The following WDR43 variants were observed in gnomAD, a reference collection of about 807,000 sequenced individuals.
WDR43 encodes the protein WD repeat domain 43, also known as WD repeat-containing protein 43.
A neutral mutation model predicts 91.4 loss-of-function variants in WDR43; 13 were observed. The observed-to-expected ratio is 0.14, with a 90% CI of 0.09 to 0.23. WDR43 has a LOEUF of 0.23. Among genes scored for constraint, WDR43 ranks in the 10% least tolerant of loss-of-function variants. WDR43 has a pLI of 1.00. For synonymous variants in WDR43, 331 were observed against 287.9 expected (o/e 1.15, Z -1.51); for missense variants, 780 against 809.4 (o/e 0.96, Z 0.44).
rs1234524287 is a variant in WDR43 at position 28,926,513 on chromosome 2, T to G, written c.1132T>G (p.Ser378Ala). ...EPHMCLVRDI[S>A]NCWAPKVETA... ...TCATATGTGTTTAGTAAGAGATATT[T>G]CAAACTGCTGGGCCCCCAAAGTAGA... Residue 378 changes from serine (S) to alanine (A), a missense_variant, in exon 9 of 18, where the codon TCA (serine) becomes GCA (alanine). Ser to Ala is a moderately conservative substitution (Grantham distance 99, BLOSUM62 1). Transcript: ENST00000407426. 6.2e-6 allele frequency: 10 copies of G among 1,600,814 alleles called. No individual in the cohort carries two copies. The highest frequency in any genetic ancestry group is 7.7e-6 in the Non-Finnish European group (9 of 1,172,918).
intron 1 of WDR43, chr2:28,895,236 C>T (rs1266352144): frequency 7.2e-6 from 2 of 278,158 alleles, no homozygotes; most frequent in Non-Finnish European, 1.3e-5. Context: ...CCTGGGGCGG[C>T]TTCCTTCTGC....
chr2:28,942,657 T>G (rs1449831174), intron 16 of WDR43, among the ~76,000 whole-genome samples: 1 of 149,540 alleles, frequency 6.7e-6, no homozygotes, highest in Non-Finnish European at 1.5e-5. Context: ...GTCTGTTGCC[T>G]AGGTTGTAGT....
Position 28,941,447 on chromosome 2 carries a change from A to C in WDR43, c.1621-14A>C. 1 of 1,599,766 alleles carries C rather than the reference A, an allele frequency of 6.3e-7. No homozygotes were observed. The highest frequency in any genetic ancestry group is 1.1e-5 in the South Asian group (1 of 89,512). On this transcript the variant is annotated splice_polypyrimidine_tract_variant and intron_variant, in intron 14 of 17. Transcript: ENST00000407426. ...AATACGTTAATAGTGCCAAATGATC[A>C]TTTTTTTCTCTAGTTGCCTGACCTG...
In WDR43 at chr2:28,914,477, A is replaced by G. The variant is rs192705975; in HGVS notation, c.746+269A>G. On this transcript the variant is annotated intron_variant, in intron 5 of 17. Transcript: ENST00000407426. ...GGCAATTTAGAATATCTTTTAAAAA[A>G]TTTAGAAAGACCTTTGATTTTGAAA... 1.6e-3 allele frequency among the ~76,000 whole-genome samples: 237 copies of G among 152,340 alleles called. 1 individual carries two copies. Among genetic ancestry groups the G allele is most frequent in the Non-Finnish European group, 2.9e-3 (194 of 68,032 alleles).
intron 1 of WDR43, among the ~76,000 whole-genome samples, chr2:28,897,679 C>T (rs1022861395): frequency 6.6e-6 from 1 of 152,178 alleles, no homozygotes; most frequent in Non-Finnish European, 1.5e-5. Context: ...GTTTGCTACG[C>T]AAGGACAAAG....
chr2:28,912,727 A>T lies in WDR43; in HGVS notation c.606+17A>T. Reference sequence around the variant, plus strand: ...GTCTACAGGGTGAGCGAATCAAATTATTTGTAAGCATAAAAATTATAGAGT... The same window carrying T: ...GTCTACAGGGTGAGCGAATCAAATTTTTTGTAAGCATAAAAATTATAGAGT... On this transcript the variant is annotated intron_variant, in intron 4 of 17. Transcript: ENST00000407426. 1 of 1,609,400 alleles carries T rather than the reference A, an allele frequency of 6.2e-7. No individual in the cohort carries two copies. The highest frequency in any genetic ancestry group is 2.2e-5 in the East Asian group (1 of 44,844).
Position 28,894,865 on chromosome 2 carries a change from C to T in WDR43, c.167C>T (p.Ala56Val), listed in dbSNP as rs769345025. ...NRLHQEYVPS[A>V]HLSGTCTCLA... ...CTGCACCAGGAGTACGTGCCTTCCG[C>T]GCACCTCAGTGGTACCTGCACCTGT... Residue 56 changes from alanine (A) to valine (V), a missense_variant, in exon 1 of 18, where the codon GCG becomes GTG. Physicochemically the swap from Ala to Val is moderately conservative, Grantham distance 64 (BLOSUM62 0). Transcript: ENST00000407426. 1.2e-6 allele frequency: 2 copies of T among 1,609,878 alleles called. No homozygotes were observed. The highest frequency in any genetic ancestry group is 2.2e-5 in the South Asian group (2 of 90,350).
At position 28,946,643 on chromosome 2, in the gene WDR43, A is replaced by G. The variant is rs760347967; in HGVS notation, c.1898A>G (p.Asp633Gly). The change falls in exon 18 of 18, where the codon GAT becomes GGT. Residue 633 changes from aspartate to glycine, a missense_variant. Around this residue, in one of 4 missense-constraint regions of WDR43, gnomAD observed 426 missense variants for 467.8 expected, o/e 0.91. Coordinates refer to ENST00000407426, the MANE Select transcript of WDR43 (RefSeq NM_015131.3). The part of the protein sequence containing the change: ...EDEEESESEK[D>G]EDVEEEDEDA... ...GAGGAGGAGAGTGAAAGTGAAAAAG[A>G]TGAGGACGTTGAAGAGGAAGATGAG... 3.6e-5 allele frequency: 56 copies of G among 1,557,400 alleles called. 1 individual carries two copies. In the Middle Eastern group the frequency reaches 8.3e-4, roughly 23 times the overall value.
chr2:28,924,245 A>G (rs1188456815), intron 7 of WDR43, among the ~76,000 whole-genome samples: 1 of 152,144 alleles, frequency 6.6e-6, no homozygotes, highest in Non-Finnish European at 1.5e-5. Context: ...CTAAGAAAGG[A>G]ATTCATTTAG....
In WDR43 at chr2:28,926,532, A is replaced by G; in HGVS notation, c.1151A>G (p.Lys384Arg). 1.9e-6 allele frequency: 3 copies of G among 1,598,090 alleles called. No individual in the cohort carries two copies. Among genetic ancestry groups the G allele is most frequent in the African/African-American group, 1.3e-5 (1 of 74,770 alleles). Residue 384 changes from lysine (K) to arginine (R), a missense_variant, in exon 9 of 18, where the codon AAA becomes AGA. Around this residue, in one of 4 missense-constraint regions of WDR43, gnomAD observed 426 missense variants for 467.8 expected, o/e 0.91. Coordinates refer to ENST00000407426, the MANE Select transcript of WDR43 (RefSeq NM_015131.3). Reference protein sequence around the residue: ...VRDISNCWAPKVETAITKVRT... With the variant: ...VRDISNCWAPRVETAITKVRT... ...GATATTTCAAACTGCTGGGCCCCCA[A>G]AGTAGAAACAGCTATAACAAAGGTG...
intron 10 of WDR43, among the ~76,000 whole-genome samples, chr2:28,929,225 T>G (rs553237097): frequency 4.0e-4 from 61 of 152,322 alleles, no homozygotes; most frequent in Middle Eastern, 6.8e-3. Context: ...ATAGTTATAG[T>G]GGGGCAAGCT....
At chr2:28,909,267 TAGCTGGGATTATGGGC>T (rs1670744362) in intron 3 of WDR43, among the ~76,000 whole-genome samples, 1 of 152,050 alleles carries the variant, frequency 6.6e-6, no homozygotes, top group African/African-American at 2.4e-5. Context: ...GCTTCCCGAG[TAGCTGGGATTATGGGC>T]ACCTGCCACC....
intron 1 of WDR43, among the ~76,000 whole-genome samples, chr2:28,899,082 G>A (rs1670533596): frequency 6.6e-6 from 1 of 152,188 alleles, no homozygotes. Context: ...TGCCCTTCAT[G>A]GTGGAAAAGA....
chr2:28,947,647 G>C lies in WDR43; in HGVS notation c.*868G>C, dbSNP rs1467202441. The C allele has an allele frequency of 6.6e-6, 1 of 151,410 alleles. No homozygotes were observed. Among genetic ancestry groups the C allele is most frequent in the Admixed American group, 6.6e-5 (1 of 15,230 alleles). The allele number at this position is 151,410 out of a possible 1,614,324, so 9.4% of individuals were successfully genotyped here. A position where few individuals can be genotyped will look rare whatever the true frequency, so the allele number is the denominator to read the frequency against. ...GAACAATTGTTTATTTTTTCTCTTTGGTTTTAGATATTAATGATAACCTTG... is the reference window on the plus strand; with the variant it reads ...GAACAATTGTTTATTTTTTCTCTTTCGTTTTAGATATTAATGATAACCTTG... On this transcript the variant is annotated 3_prime_UTR_variant, in exon 18 of 18. Coordinates refer to ENST00000407426, the MANE Select transcript of WDR43 (RefSeq NM_015131.3).
At chr2:28,907,742 A>G (rs1265647519) in intron 3 of WDR43, among the ~76,000 whole-genome samples, 1 of 152,136 alleles carries the variant, frequency 6.6e-6, no homozygotes, top group East Asian at 1.9e-4. Context: ...CTCTACTACA[A>G]AGACAAAAAA....
intron 14 of WDR43, among the ~76,000 whole-genome samples, chr2:28,939,578 C>T (rs1163963777): frequency 6.6e-6 from 1 of 152,118 alleles, no homozygotes; most frequent in East Asian, 1.9e-4. Flanking sequence ...TTCTGTAAGC[C>T]AAGGGCTATG....
intron 1 of WDR43, chr2:28,895,125 C>T (rs1001530680): frequency 2.3e-6 from 1 of 425,556 alleles, no homozygotes; most frequent in South Asian, 1.0e-4. Context: ...GAGGGCGCAG[C>T]TCGACCCGGC....
In WDR43 at chr2:28,947,634, A is replaced by AT. The variant is rs1048438489; in HGVS notation, c.*861dup. On this transcript the variant is annotated 3_prime_UTR_variant, in exon 18 of 18. Coordinates refer to ENST00000407426, the MANE Select transcript of WDR43 (RefSeq NM_015131.3). ...CTAATGGATCAAAGAACAATTGTTT[A>AT]TTTTTTCTCTTTGGTTTTAGATATT... The AT allele has an allele frequency of 1.3e-5, 2 of 151,916 alleles. No individual in the cohort carries two copies. The highest frequency in any genetic ancestry group is 3.9e-4 in the East Asian group (2 of 5,178). 9.4% of individuals were successfully genotyped at this position (151,916 alleles called of 1,614,324 possible). A position where few individuals can be genotyped will look rare whatever the true frequency, so the allele number is the denominator to read the frequency against.
chr2:28,896,974 T>G (rs1670492475), intron 1 of WDR43, among the ~76,000 whole-genome samples: 1 of 152,168 alleles, frequency 6.6e-6, no homozygotes, highest in South Asian at 2.1e-4. Context: ...TTAAAAAAAC[T>G]GATTGAAAAT....
Sources: allele counts gnomAD v4.1 joint callset (sites outside exome capture counted in the v4.1 genomes callset), GRCh38; gene constraint gnomAD v4.1.1; regional missense constraint gnomAD v4.1.1; transcripts MANE v1.5; gene names NCBI Gene and HGNC (gene_info 2026-07-23, HGNC 2026-07-21).